PTK2: variants seen among roughly 807,000 people sequenced by gnomAD.
The protein encoded by PTK2 is protein tyrosine kinase 2, also known as focal adhesion kinase 1.
A neutral mutation model predicts 150.1 loss-of-function variants in PTK2; 45 were observed. That is an observed-to-expected ratio of 0.30 (90% confidence interval 0.24 to 0.38). The LOEUF (loss-of-function observed/expected upper bound fraction) is 0.38, where lower values mean the gene tolerates loss of function less well. Among genes scored for constraint, PTK2 ranks in the 10% least tolerant of loss-of-function variants. The pLI is 1.00. For missense variants in PTK2, 919 were observed against 1,307.3 expected, an observed-to-expected ratio of 0.70 and a Z score of 4.58; for synonymous variants, 432 against 449.2, an observed-to-expected ratio of 0.96 and a Z score of 0.48.
At chr8:140,911,077 GC>G (rs1264478387) in intron 2 of PTK2, among the ~76,000 whole-genome samples, 4 of 148,364 alleles carry the variant, frequency 2.7e-5, no homozygotes, top group Non-Finnish European at 4.5e-5. Flanking sequence ...TTTTTGTAAA[GC>G]CGGAGTCTTG....
chr8:140,812,419 A>G (rs116623069), intron 10 of PTK2, among the ~76,000 whole-genome samples: 2,556 of 152,324 alleles, frequency 0.017, 70 homozygotes, highest in African/African-American at 0.057. Flanking sequence ...TATGGAAAGG[A>G]AAGACCGTTA....
At chr8:140,765,203 G>A (rs972895300) in intron 14 of PTK2, 4 of 152,188 alleles carry the variant, frequency 2.6e-5, no homozygotes, top group Non-Finnish European at 4.4e-5. Flanking sequence ...ACAGGACTTT[G>A]TGATGCATCA....
intron 16 of PTK2, among the ~76,000 whole-genome samples, chr8:140,759,454 AG>A (rs768542851): frequency 7.0e-6 from 1 of 141,880 alleles, no homozygotes; most frequent in Non-Finnish European, 1.5e-5. Flanking sequence ...GGACCACTTG[AG>A]CCTGGGAGGT....
intron 1 of PTK2, among the ~76,000 whole-genome samples, chr8:140,983,371 A>G (rs924694369): frequency 5.2e-5 from 6 of 116,176 alleles, no homozygotes; most frequent in African/African-American, 1.3e-4. Context: ...ACAGAGTAAG[A>G]CTCCATCTCA....
chr8:140,732,317 T>C (rs1044123225), intron 22 of PTK2, among the ~76,000 whole-genome samples: 20 of 152,228 alleles, frequency 1.3e-4, no homozygotes, highest in African/African-American at 4.8e-4. Flanking sequence ...AATGAATGAA[T>C]GCTCAACTAC....
intron 26 of PTK2, among the ~76,000 whole-genome samples, chr8:140,698,588 G>A (rs2100028263): frequency 6.6e-6 from 1 of 151,920 alleles, no homozygotes; most frequent in Non-Finnish European, 1.5e-5. Flanking sequence ...TGAATAGCTG[G>A]GACTACAGGT....
At chr8:140,816,252 A>G (rs2100104665) in intron 10 of PTK2, among the ~76,000 whole-genome samples, 1 of 152,226 alleles carries the variant, frequency 6.6e-6, no homozygotes, top group Admixed American at 6.5e-5. Context: ...CCAAAACTAT[A>G]AAATACTTAT....
chr8:140,949,685 G>A (rs1353735380), intron 1 of PTK2, among the ~76,000 whole-genome samples: 1 of 152,240 alleles, frequency 6.6e-6, no homozygotes, highest in Non-Finnish European at 1.5e-5. Flanking sequence ...GGGAGCTGAG[G>A]GTGGCTCAGT....
chr8:140,751,702 G>C (rs996607089), intron 17 of PTK2, among the ~76,000 whole-genome samples: 1 of 152,208 alleles, frequency 6.6e-6, no homozygotes, highest in South Asian at 2.1e-4. Flanking sequence ...ATGTTGGCCA[G>C]ACTGGTCTCA....
At chr8:140,995,594 G>T (rs928683165) in intron 1 of PTK2, among the ~76,000 whole-genome samples, 1 of 151,780 alleles carries the variant, frequency 6.6e-6, no homozygotes, top group African/African-American at 2.4e-5. Flanking sequence ...CTGAGCTCAG[G>T]AGTTTGAGAA....
intron 18 of PTK2, among the ~76,000 whole-genome samples, chr8:140,745,721 C>G (rs1163825146): frequency 6.6e-6 from 1 of 152,168 alleles, no homozygotes; most frequent in East Asian, 1.9e-4. Context: ...AAAGTACGGC[C>G]ATGCACGATG....
chr8:140,746,168 T>C (rs1400558291), intron 18 of PTK2, among the ~76,000 whole-genome samples: 3 of 151,958 alleles, frequency 2.0e-5, no homozygotes, highest in South Asian at 2.1e-4. Context: ...CCCGTCTCTA[T>C]AAAGAATTAA....
chr8:140,937,203 GTGA>G (rs1365801345), intron 1 of PTK2, among the ~76,000 whole-genome samples: 1 of 152,134 alleles, frequency 6.6e-6, no homozygotes, highest in African/African-American at 2.4e-5. Flanking sequence ...TTTAAAATAA[GTGA>G]TGGAGGGCAA....
At position 140,890,660 on chromosome 8, in the gene PTK2, C is replaced by T. The variant is rs187615056; in HGVS notation, c.78G>A (p.Met26Ile). The T allele has an allele frequency of 9.9e-6, 16 of 1,614,086 alleles. No individual in the cohort carries two copies. In the Admixed American group the frequency reaches 1.7e-4, roughly 17 times the overall value. ...GCTCCATTGCACCAGGAGAACGTTC[C>T]ATACCAGTACCCAGGTGAGTCTTAG... Residue 26 changes from methionine to isoleucine, a missense_variant, in exon 3 of 32, where the codon ATG becomes ATA. Coordinates refer to ENST00000522684, the Ensembl canonical transcript of PTK2.
At chr8:140,715,682 T>C (rs1054412655) in intron 23 of PTK2, among the ~76,000 whole-genome samples, 1 of 152,144 alleles carries the variant, frequency 6.6e-6, no homozygotes, top group Admixed American at 6.5e-5. Flanking sequence ...CAGTGGGCTA[T>C]AGTTTCCTCA....
At chr8:140,751,619 G>C (rs1417145979) in intron 17 of PTK2, among the ~76,000 whole-genome samples, 1 of 151,964 alleles carries the variant, frequency 6.6e-6, no homozygotes, top group East Asian at 1.9e-4. Flanking sequence ...AGTCTCCTGA[G>C]TAGCTGGGAC....
intron 26 of PTK2, among the ~76,000 whole-genome samples, chr8:140,700,363 G>T (rs570489649): frequency 5.9e-5 from 9 of 152,028 alleles, no homozygotes; most frequent in African/African-American, 2.2e-4. Flanking sequence ...GTAGAGACAG[G>T]GTCTTGCTGT....
chr8:140,861,685 C>T (rs927856542), intron 5 of PTK2, among the ~76,000 whole-genome samples: 2 of 152,102 alleles, frequency 1.3e-5, no homozygotes, highest in African/African-American at 4.8e-5. Context: ...CAGTCCTATA[C>T]AATAGTTATT....
chr8:140,957,630 C>G (rs763122686), intron 1 of PTK2, among the ~76,000 whole-genome samples: 1 of 152,130 alleles, frequency 6.6e-6, no homozygotes, highest in African/African-American at 2.4e-5. Flanking sequence ...CCTGCAAGCT[C>G]CATTCCATTC....
Sources: gnomAD v4.1 joint callset for allele counts (sites outside exome capture counted in the v4.1 genomes callset) on GRCh38, gnomAD v4.1.1 for gene constraint, MANE v1.5 for transcripts, NCBI Gene and HGNC (gene_info 2026-07-23, HGNC 2026-07-21) for gene names.